CFHR5: variants seen among roughly 807,000 people sequenced by gnomAD.
CFHR5 encodes the protein complement factor H related 5, also known as complement factor H-related protein 5.
A neutral mutation model predicts 62.9 loss-of-function variants in CFHR5; 73 were observed. That is an observed-to-expected ratio of 1.16 (90% CI 0.96 to 1.41). CFHR5 has a LOEUF of 1.41. CFHR5 is among the 40% of genes most tolerant of loss of function. CFHR5 has a pLI of 0.00. For synonymous variants in CFHR5, 249 were observed against 227.2 expected, an observed-to-expected ratio of 1.10 and a Z score of -0.86; for missense variants, 779 against 679.9, an observed-to-expected ratio of 1.15 and a Z score of -1.62.
At chr1:196,983,929 A>G (rs546578427) in intron 2 of CFHR5, 32 bp from the exon 3 acceptor site, 4 of 1,530,608 alleles carry the variant, frequency 2.6e-6, no homozygotes, top group Non-Finnish European at 3.6e-6. Flanking sequence ...TGCTACTTCC[A>G]TCTTGTACAT....
intron 3 of CFHR5, among the ~76,000 whole-genome samples, chr1:196,985,242 C>T (rs1653652013): frequency 6.6e-6 from 1 of 152,088 alleles, no homozygotes; most frequent in Non-Finnish European, 1.5e-5. Flanking sequence ...CACCTGTAGT[C>T]CCCGCCACTG....
At chr1:196,984,160 A>G (rs377488177) in intron 3 of CFHR5, 23 bp downstream of exon 3, 8 of 1,595,170 alleles carry the variant, frequency 5.0e-6, no homozygotes, top group Non-Finnish European at 6.9e-6. Flanking sequence ...CCACTCTCTC[A>G]GTTTTGCTAA....
Position 196,980,160 on chromosome 1 carries a change from T to C in CFHR5, c.58+2438T>C, listed in dbSNP as rs57146487. Among the ~76,000 whole-genome samples, 975 of 152,214 alleles carry C rather than the reference T, an allele frequency of 6.4e-3. 13 individuals carry two copies. Among genetic ancestry groups the C allele is most frequent in the African/African-American group, 0.023 (938 of 41,532 alleles). ...CTAGAAGGTCTTTAGGGCAGTAACA[T>C]GCATGGAGCTGTCCTCTCCTATGAT... On this transcript the variant is annotated intron_variant, in intron 1 of 9. Transcript: ENST00000256785.
intron 2 of CFHR5, among the ~76,000 whole-genome samples, chr1:196,983,348 G>T (rs1385287679): frequency 6.6e-6 from 1 of 152,094 alleles, no homozygotes; most frequent in Non-Finnish European, 1.5e-5. Context: ...ACTGCTAATA[G>T]TTCTTTACTA....
rs763638797 is a variant in CFHR5, at chr1:197,008,540, T to C, written c.1567T>C (p.Trp523Arg). The C allele has an allele frequency of 5.6e-6, 9 of 1,613,488 alleles. No individual in the cohort carries two copies. The highest frequency in any genetic ancestry group is 6.8e-6 in the Non-Finnish European group (8 of 1,179,606). The change falls in exon 10 of 10, where the codon TGG becomes CGG. Residue 523 changes from tryptophan (W) to arginine (R), a missense_variant. Coordinates refer to ENST00000256785, the MANE Select transcript of CFHR5 (RefSeq NM_030787.4). Reference sequence around the variant, plus strand: ...GAACAAAAATAACATACAGTTAAAATGGAGAAACGATGGAAAACTCTATGC... The same window carrying C: ...GAACAAAAATAACATACAGTTAAAACGGAGAAACGATGGAAAACTCTATGC... ...NMNKNNIQLK[W>R]RNDGKLYAKT... is the part of the protein sequence containing the mutation.
At position 196,984,124 on chromosome 1, in the gene CFHR5, A is replaced by G. The variant is rs943229866; in HGVS notation, c.417A>G (p.Ile139Met). ...AACGGGGCTGGTCCACTCCTCCCAT[A>G]TGCAGCTTCACTAGTAAGCAAAATA... The part of the protein sequence containing the change: ...CVERGWSTPP[I>M]CSFTKGECHV... Residue 139 changes from isoleucine to methionine, a missense_variant, in exon 3 of 10, where the codon ATA (isoleucine) becomes ATG (methionine). Ile to Met is a conservative substitution (Grantham distance 10). Coordinates refer to ENST00000256785, the MANE Select transcript of CFHR5 (RefSeq NM_030787.4). 1 of 1,613,488 alleles carries G rather than the reference A, an allele frequency of 6.2e-7. No homozygotes were observed. Among genetic ancestry groups the G allele is most frequent in the Non-Finnish European group, 8.5e-7 (1 of 1,179,564 alleles).
At chr1:196,998,074 C>T in intron 6 of CFHR5, 54 bp from the exon 7 acceptor site, 1 of 1,090,524 alleles carries the variant, frequency 9.2e-7, no homozygotes. Flanking sequence ...ATTAATATTG[C>T]AGATATTTTA....
At chr1:196,978,219 A>G (rs1653447352) in intron 1 of CFHR5, among the ~76,000 whole-genome samples, 1 of 152,190 alleles carries the variant, frequency 6.6e-6, no homozygotes, top group African/African-American at 2.4e-5. Flanking sequence ...ATGAAACAAT[A>G]GAAAATATTA....
At chr1:196,996,730 TAGA>T (rs968246528) in intron 6 of CFHR5, among the ~76,000 whole-genome samples, 3 of 152,152 alleles carry the variant, frequency 2.0e-5, no homozygotes, top group Admixed American at 6.6e-5. Context: ...AATCCCTTCA[TAGA>T]AGAAGAGTAG....
chr1:196,991,703 G>T (rs1653851303), intron 3 of CFHR5, among the ~76,000 whole-genome samples: 1 of 152,070 alleles, frequency 6.6e-6, no homozygotes, highest in African/African-American at 2.4e-5. Context: ...AGAGGCTGCA[G>T]AACAGCAAAT....
chr1:196,991,171 T>C (rs1469816032), intron 3 of CFHR5, among the ~76,000 whole-genome samples: 1 of 152,212 alleles, frequency 6.6e-6, no homozygotes, highest in Admixed American at 6.5e-5. Flanking sequence ...TTGAAGCTTG[T>C]ACATGCATCA....
intron 8 of CFHR5, among the ~76,000 whole-genome samples, chr1:197,003,414 G>A (rs1276859981): frequency 2.0e-5 from 3 of 152,222 alleles, no homozygotes; most frequent in African/African-American, 7.2e-5. Flanking sequence ...ACATTATCTA[G>A]GTTTGTGTAG....
rs768499626 is a variant in CFHR5, at chr1:196,994,187, A to G, written c.538A>G (p.Ile180Val). The change falls in exon 4 of 10, where the codon ATA becomes GTA. Residue 180 changes from isoleucine (I) to valine (V), a missense_variant. Coordinates refer to ENST00000256785, the MANE Select transcript of CFHR5 (RefSeq NM_030787.4). ...GAAATTCTCCTGCAGAAAAAATCTT[A>G]TAAGAGTTGGATCAGACTCAGTTCA... ...VLKFSCRKNL[I>V]RVGSDSVQCY... is the part of the protein sequence containing the mutation. 11 of 1,613,530 alleles carry G rather than the reference A, an allele frequency of 6.8e-6. No individual in the cohort carries two copies. Among genetic ancestry groups the G allele is most frequent in the Admixed American group, 1.7e-5 (1 of 59,980 alleles).
At chr1:197,005,428 A>C (rs2125040174) in intron 9 of CFHR5, among the ~76,000 whole-genome samples, 1 of 152,270 alleles carries the variant, frequency 6.6e-6, no homozygotes, top group Admixed American at 6.5e-5. Context: ...TATACATATT[A>C]AGTTTCCACA....
Position 196,994,100 on chromosome 1 carries a change from A to G in CFHR5, c.451A>G (p.Ile151Val). Residue 151 changes from isoleucine (I) to valine (V), a missense_variant, in exon 4 of 10, where the codon ATT becomes GTT. By Grantham distance (29) the Ile-to-Val change is conservative. Coordinates refer to ENST00000256785, the MANE Select transcript of CFHR5 (RefSeq NM_030787.4). ...TTTAGAAGGAGAATGTCATGTTCCAATTTTAGAAGCCAATGTAGATGCTCA... is the reference window on the plus strand; with the variant it reads ...TTTAGAAGGAGAATGTCATGTTCCAGTTTTAGAAGCCAATGTAGATGCTCA... Reference protein sequence around the residue: ...SFTKGECHVPILEANVDAQPK... With the variant: ...SFTKGECHVPVLEANVDAQPK... 1 of 1,613,242 alleles carries G rather than the reference A, an allele frequency of 6.2e-7. No individual in the cohort carries two copies. The highest frequency in any genetic ancestry group is 8.5e-7 in the Non-Finnish European group (1 of 1,179,530).
At chr1:197,000,874 AAGT>A (rs1193735675) in intron 7 of CFHR5, among the ~76,000 whole-genome samples, 1 of 152,190 alleles carries the variant, frequency 6.6e-6, no homozygotes, top group East Asian at 1.9e-4. Flanking sequence ...ATAAGACATT[AAGT>A]AGAAGAGCTT....
At chr1:196,995,594 A>G (rs920273882) in intron 4 of CFHR5, 123 bp from the exon 5 acceptor site, 2 of 786,272 alleles carry the variant, frequency 2.5e-6, no homozygotes, top group African/African-American at 3.4e-5. Context: ...CAAAAAACAC[A>G]TGTCCCCAAA....
At chr1:196,991,935 G>T (rs953027628) in intron 3 of CFHR5, among the ~76,000 whole-genome samples, 1 of 152,308 alleles carries the variant, frequency 6.6e-6, no homozygotes, top group African/African-American at 2.4e-5. Flanking sequence ...GTCAGACAGG[G>T]ACATTTATGT....
chr1:197,001,500 GA>G lies in CFHR5; in HGVS notation c.1148-974del, dbSNP rs887113762. Among the ~76,000 whole-genome samples, 21 of 150,536 alleles carry G rather than the reference GA, an allele frequency of 1.4e-4. 1 individual carries two copies. The South Asian group carries it at 1.5e-3, about 11-fold the overall frequency. ...TTTTAAATGAAAATAGTATAGCGAG[GA>G]AAAAAAATAGCACTTTCAATGCAAT... is the stretch of plus-strand genomic sequence containing the variant. On this transcript the variant is annotated intron_variant, in intron 7 of 9. Coordinates refer to ENST00000256785, the MANE Select transcript of CFHR5 (RefSeq NM_030787.4).
Sources: allele counts gnomAD v4.1 joint callset (sites outside exome capture counted in the v4.1 genomes callset), GRCh38; gene constraint gnomAD v4.1.1; transcripts MANE v1.5; gene names NCBI Gene and HGNC (gene_info 2026-07-23, HGNC 2026-07-21).